STPG2: variants seen among roughly 807,000 people sequenced by gnomAD.
STPG2 encodes sperm-tail PG-rich repeat-containing protein 2.
In STPG2, 56 loss-of-function variants were observed where a neutral mutation model predicts 54.2. The ratio of observed to expected loss-of-function variants is 1.03; its 90% CI spans 0.83 to 1.29. The LOEUF (loss-of-function observed/expected upper bound fraction) is 1.29, where lower values mean the gene tolerates loss of function less well. Ranked by LOEUF, STPG2 falls within the 50% of genes most tolerant of loss-of-function variation. STPG2 has a pLI of 0.00. For missense variants in STPG2, 596 were observed against 544.9 expected (o/e 1.09, Z -0.93); for synonymous variants, 200 against 181.8 (o/e 1.10, Z -0.81).
intron 8 of STPG2, among the ~76,000 whole-genome samples, chr4:97,905,824 C>G (rs1560581933): frequency 6.6e-6 from 1 of 151,936 alleles, no homozygotes; most frequent in Non-Finnish European, 1.5e-5. Flanking sequence ...CCAACGAGAA[C>G]AAAGACACAA....
At chr4:97,907,044 G>C (rs1198132881) in intron 8 of STPG2, among the ~76,000 whole-genome samples, 1 of 151,528 alleles carries the variant, frequency 6.6e-6, no homozygotes, top group Non-Finnish European at 1.5e-5. Context: ...AGGAAATAAA[G>C]GGTATTCAAT....
At chr4:97,924,138 C>T (rs184388047) in intron 8 of STPG2, among the ~76,000 whole-genome samples, 6 of 152,208 alleles carry the variant, frequency 3.9e-5, no homozygotes, top group South Asian at 2.1e-4. Flanking sequence ...CTGAGGTCAG[C>T]GAGACCACGA....
At chr4:98,100,488 C>A (rs1431119735) in intron 5 of STPG2, among the ~76,000 whole-genome samples, 1 of 151,908 alleles carries the variant, frequency 6.6e-6, no homozygotes, top group Non-Finnish European at 1.5e-5. Flanking sequence ...TCAATATAAG[C>A]AAAGAGCATT....
chr4:97,703,493 T>C (rs1263637799), intron 10 of STPG2, among the ~76,000 whole-genome samples: 1 of 141,610 alleles, frequency 7.1e-6, no homozygotes, highest in Non-Finnish European at 1.5e-5. Flanking sequence ...ATATATATAG[T>C]ATATACAGTA....
intron 9 of STPG2, among the ~76,000 whole-genome samples, chr4:97,727,179 T>G (rs1724650624): frequency 6.6e-6 from 1 of 151,872 alleles, no homozygotes; most frequent in Admixed American, 6.6e-5. Flanking sequence ...TGTAGAATTA[T>G]GTAAATAAGT....
chr4:97,624,590 A>C (rs1352182821), intron 10 of STPG2, among the ~76,000 whole-genome samples: 3 of 152,074 alleles, frequency 2.0e-5, no homozygotes, highest in Non-Finnish European at 2.9e-5. Context: ...TTCACTTCAT[A>C]GTTTCTTTTG....
chr4:97,539,745 T>C (rs762853965), intron 4 of STPG2, among the ~76,000 whole-genome samples: 38 of 152,086 alleles, frequency 2.5e-4, no homozygotes, highest in Admixed American at 1.0e-3. Flanking sequence ...ATCAACAGAA[T>C]ATACATTCTT....
chr4:98,135,835 C>T (rs1363227779), intron 1 of STPG2, among the ~76,000 whole-genome samples: 1 of 151,792 alleles, frequency 6.6e-6, no homozygotes, highest in East Asian at 1.9e-4. Flanking sequence ...ACCAATGAAA[C>T]ATTCTACTTA....
chr4:97,871,299 T>C (rs1381227616), intron 8 of STPG2, among the ~76,000 whole-genome samples: 2 of 150,876 alleles, frequency 1.3e-5, no homozygotes, highest in Non-Finnish European at 3.0e-5. Flanking sequence ...AGGGCAGGAA[T>C]TTTGAAGGTA....
intron 10 of STPG2, among the ~76,000 whole-genome samples, chr4:97,635,260 A>G (rs1213542999): frequency 6.6e-6 from 1 of 152,202 alleles, no homozygotes; most frequent in Non-Finnish European, 1.5e-5. Context: ...AGTGAAGGAG[A>G]AATAAAATAC....
intron 5 of STPG2, among the ~76,000 whole-genome samples, chr4:98,057,808 A>G (rs1737525245): frequency 6.6e-6 from 1 of 152,176 alleles, no homozygotes; most frequent in Non-Finnish European, 1.5e-5. Flanking sequence ...CTAGAGAGAA[A>G]AGTCAGGTCA....
chr4:97,870,404 T>A (rs2149153049), intron 8 of STPG2, among the ~76,000 whole-genome samples: 1 of 151,492 alleles, frequency 6.6e-6, no homozygotes, highest in South Asian at 2.1e-4. Flanking sequence ...TACATACAAT[T>A]ATATGAACAA....
chr4:98,031,588 G>A (rs950147587), intron 5 of STPG2, among the ~76,000 whole-genome samples: 15 of 152,108 alleles, frequency 9.9e-5, no homozygotes, highest in African/African-American at 3.4e-4. Context: ...AGGAGGCTGA[G>A]GCAGCAGAAT....
intron 5 of STPG2, among the ~76,000 whole-genome samples, chr4:98,025,044 A>G (rs1206590351): frequency 6.6e-6 from 1 of 152,190 alleles, no homozygotes; most frequent in Non-Finnish European, 1.5e-5. Flanking sequence ...TCCAAAAGGT[A>G]TAAGAATAAA....
chr4:97,946,435 T>C (rs1477694499), intron 7 of STPG2, among the ~76,000 whole-genome samples: 1 of 152,166 alleles, frequency 6.6e-6, no homozygotes, highest in Admixed American at 6.5e-5. Flanking sequence ...TTAGTTCCAT[T>C]TGCTTTGGGA....
intron 8 of STPG2, among the ~76,000 whole-genome samples, chr4:97,866,710 A>G (rs1354844867): frequency 2.6e-5 from 4 of 151,760 alleles, no homozygotes; most frequent in Admixed American, 2.0e-4. Context: ...TGTATTTTGG[A>G]GACTATAAAG....
chr4:97,898,148 T>G (rs1190340978), intron 8 of STPG2, among the ~76,000 whole-genome samples: 1 of 152,110 alleles, frequency 6.6e-6, no homozygotes, highest in Non-Finnish European at 1.5e-5. Context: ...CAGCAGCATT[T>G]ATTGAACAGT....
In STPG2 at chr4:98,078,197, C is replaced by G. The variant is rs1216942138; in HGVS notation, c.612+27756G>C. On this transcript the variant is annotated intron_variant, in intron 5 of 10. Transcript: ENST00000295268. Reference sequence around the variant, plus strand: ...TTTCTACTAAACACTCATTAAACTCCTTAGGCAAATATCTTCACCTATGGA... The same window carrying G: ...TTTCTACTAAACACTCATTAAACTCGTTAGGCAAATATCTTCACCTATGGA... Among the ~76,000 whole-genome samples the G allele has an allele frequency of 3.3e-5, 5 of 152,234 alleles. No homozygotes were observed. The East Asian group carries it at 9.6e-4, about 29-fold the overall frequency.
At chr4:98,046,413 T>G (rs1185754365) in intron 5 of STPG2, among the ~76,000 whole-genome samples, 1 of 152,190 alleles carries the variant, frequency 6.6e-6, no homozygotes, top group African/African-American at 2.4e-5. Flanking sequence ...CTTTATTGCT[T>G]TTGGCATATT....
Sources: allele counts gnomAD v4.1 joint callset (sites outside exome capture counted in the v4.1 genomes callset), GRCh38; gene constraint gnomAD v4.1.1; transcripts MANE v1.5; gene names NCBI Gene and HGNC (gene_info 2026-07-23, HGNC 2026-07-21).